The following DIP2C variants were observed in gnomAD, a reference collection of about 807,000 sequenced individuals.
DIP2C encodes DIP2 acetate--CoA ligase C (putative).
Under a neutral mutation model 192.4 loss-of-function variants are expected in DIP2C, and 33 were observed. The observed-to-expected ratio is 0.17, with a 90% CI of 0.13 to 0.23. DIP2C has a LOEUF of 0.23. Among genes scored for constraint, DIP2C ranks in the 10% least tolerant of loss-of-function variants. The pLI is 1.00. For synonymous variants in DIP2C, 979 were observed against 864.1 expected (o/e 1.13, Z -2.33); for missense variants, 1,537 against 2,110.1 (o/e 0.73, Z 5.32).
At chr10:642,951 C>G (rs1475736830) in intron 1 of DIP2C, among the ~76,000 whole-genome samples, 1 of 152,206 alleles carries the variant, frequency 6.6e-6, no homozygotes, top group Admixed American at 6.5e-5. Context: ...CACCTGTAAT[C>G]TCAGCACTTT....
intron 1 of DIP2C, among the ~76,000 whole-genome samples, chr10:569,714 G>A (rs1007495375): frequency 1.3e-5 from 2 of 152,128 alleles, no homozygotes; most frequent in Admixed American, 1.3e-4. Context: ...GTAATAATCA[G>A]CCATCGTCAC....
intron 17 of DIP2C, among the ~76,000 whole-genome samples, chr10:370,472 T>C (rs1474244285): frequency 2.0e-5 from 3 of 152,126 alleles, no homozygotes; most frequent in Non-Finnish European, 4.4e-5. Context: ...CCCCACCCAG[T>C]GTGCCCACCC....
intron 1 of DIP2C, among the ~76,000 whole-genome samples, chr10:551,772 AG>A (rs1848601794): frequency 6.6e-6 from 1 of 152,220 alleles, no homozygotes; most frequent in Non-Finnish European, 1.5e-5. Flanking sequence ...GAGTTGTGAC[AG>A]GTCAACTCCA....
chr10:352,338 G>A (rs1433881968), intron 24 of DIP2C, among the ~76,000 whole-genome samples: 2 of 152,224 alleles, frequency 1.3e-5, no homozygotes, highest in Admixed American at 6.5e-5. Flanking sequence ...AGTGTAACAT[G>A]CATGCTGTCC....
chr10:670,499 C>T (rs2132141721), intron 1 of DIP2C, among the ~76,000 whole-genome samples: 1 of 152,304 alleles, frequency 6.6e-6, no homozygotes, highest in African/African-American at 2.4e-5. Context: ...GATGGATGTT[C>T]TGGAATGTTC....
chr10:653,712 G>A (rs1467134240), intron 1 of DIP2C, among the ~76,000 whole-genome samples: 1 of 152,186 alleles, frequency 6.6e-6, no homozygotes, highest in African/African-American at 2.4e-5. Context: ...CTCCACCAGG[G>A]TGGGGAACAG....
intron 1 of DIP2C, among the ~76,000 whole-genome samples, chr10:505,350 A>G (rs1054175892): frequency 3.9e-5 from 6 of 152,192 alleles, no homozygotes; most frequent in Non-Finnish European, 7.3e-5. Flanking sequence ...AGAAAGCAAA[A>G]CATTTGAGGA....
chr10:295,838 C>T (rs1263399302), intron 32 of DIP2C, among the ~76,000 whole-genome samples: 4 of 151,836 alleles, frequency 2.6e-5, no homozygotes, highest in East Asian at 3.9e-4. Context: ...GAAACCCCAT[C>T]TCTACTAAAA....
chr10:611,499 A>AT (rs1301703257), intron 1 of DIP2C, among the ~76,000 whole-genome samples: 3 of 152,128 alleles, frequency 2.0e-5, no homozygotes, highest in Non-Finnish European at 4.4e-5. Flanking sequence ...AACTTTCCCC[A>AT]TCTCTGGCAA....
At chr10:469,860 C>T (rs1414952432) in intron 3 of DIP2C, among the ~76,000 whole-genome samples, 1 of 152,172 alleles carries the variant, frequency 6.6e-6, no homozygotes, top group African/African-American at 2.4e-5. Flanking sequence ...TGCCGTTCCC[C>T]AAATGTGTCA....
intron 1 of DIP2C, chr10:649,866 T>C (rs1173535459): frequency 1.9e-6 from 1 of 535,716 alleles, no homozygotes; most frequent in Non-Finnish European, 3.3e-6. Flanking sequence ...CATGCCTTAT[T>C]ATCAAACAGG....
chr10:350,714 C>T (rs1257336723), intron 24 of DIP2C, among the ~76,000 whole-genome samples: 1 of 148,770 alleles, frequency 6.7e-6, no homozygotes, highest in African/African-American at 2.5e-5. Flanking sequence ...TCTCAGCTCA[C>T]GGCAACCTCC....
At chr10:515,537 A>G (rs1010148960) in intron 1 of DIP2C, among the ~76,000 whole-genome samples, 1 of 152,162 alleles carries the variant, frequency 6.6e-6, no homozygotes, top group Non-Finnish European at 1.5e-5. Context: ...AGCCTGGCCA[A>G]TATGGCAAAA....
chr10:405,791 T>C (rs1291828030), intron 9 of DIP2C, among the ~76,000 whole-genome samples: 3 of 152,206 alleles, frequency 2.0e-5, no homozygotes, highest in African/African-American at 7.2e-5. Flanking sequence ...AGCAAAGGCC[T>C]TTCCGGCTGA....
intron 14 of DIP2C, 122 bp from the exon 15 acceptor site, chr10:384,761 A>T: frequency 1.1e-6 from 1 of 895,126 alleles, no homozygotes; most frequent in Non-Finnish European, 1.8e-6. Context: ...AGCGCTGCAG[A>T]CACCATGCAC....
intron 3 of DIP2C, among the ~76,000 whole-genome samples, chr10:468,201 G>A (rs1970378016): frequency 2.0e-5 from 3 of 152,216 alleles, no homozygotes; most frequent in South Asian, 2.1e-4. Flanking sequence ...TTAAAACCAC[G>A]TGAGCATATA....
intron 1 of DIP2C, among the ~76,000 whole-genome samples, chr10:573,775 G>A (rs1849972632): frequency 6.6e-6 from 1 of 151,344 alleles, no homozygotes; most frequent in Non-Finnish European, 1.5e-5. Flanking sequence ...TAAAAAAAAA[G>A]AACAAGTAAT....
chr10:538,867 CAT>C (rs1847833668), intron 1 of DIP2C, among the ~76,000 whole-genome samples: 1 of 152,204 alleles, frequency 6.6e-6, no homozygotes, highest in Admixed American at 6.5e-5. Flanking sequence ...AAAAGCAGCA[CAT>C]AATTTAAATG....
chr10:310,281 T>C (rs768951251), intron 31 of DIP2C, among the ~76,000 whole-genome samples, 189 bp from the exon 32 acceptor site: 1 of 152,230 alleles, frequency 6.6e-6, no homozygotes, highest in Non-Finnish European at 1.5e-5. Flanking sequence ...CCAGAAGGAA[T>C]ATCTTATTAG....
Sources: allele counts gnomAD v4.1 joint callset (sites outside exome capture counted in the v4.1 genomes callset), GRCh38; gene constraint gnomAD v4.1.1; transcripts MANE v1.5; gene names NCBI Gene and HGNC (gene_info 2026-07-23, HGNC 2026-07-21).